ZNF337: variants seen among roughly 807,000 people sequenced by gnomAD.
ZNF337 encodes zinc finger protein 337.
Under a neutral mutation model 12.1 loss-of-function variants are expected in ZNF337, and 8 were observed. That is an observed-to-expected ratio of 0.66 (90% CI 0.39 to 1.19). ZNF337 has a LOEUF of 1.19. Ranked by LOEUF, ZNF337 falls within the 50% of genes most tolerant of loss-of-function variation. The pLI is 0.01. For missense variants in ZNF337, 882 were observed against 896.6 expected (o/e 0.98, Z 0.21); for synonymous variants, 336 against 320.0 (o/e 1.05, Z -0.53).
At chr20:25,678,308 A>G (rs1315509251) in intron 4 of ZNF337, among the ~76,000 whole-genome samples, 1 of 152,218 alleles carries the variant, frequency 6.6e-6, no homozygotes, top group African/African-American at 2.4e-5. Flanking sequence ...AAAAAAGTAT[A>G]TGAATAAACA....
In ZNF337 at chr20:25,674,758, CAAG is replaced by C. The variant is rs774571606; in HGVS notation, c.*271_*273del. The C allele has an allele frequency of 2.3e-3, 1,089 of 470,124 alleles. 1 individual carries two copies. The highest frequency in any genetic ancestry group is 3.6e-3 in the Non-Finnish European group (931 of 261,890). The allele number at this position is 470,124 out of a possible 1,614,324, so 29.1% of individuals were successfully genotyped here. A position where few individuals can be genotyped will look rare whatever the true frequency, so the allele number is the denominator to read the frequency against. ...AAAGCACAGCCTGGCACAAATACAACAAGAATATGTGCTCAGTAGGAAAGAGAC... is the reference window on the plus strand; with the variant it reads ...AAAGCACAGCCTGGCACAAATACAACAATATGTGCTCAGTAGGAAAGAGAC... On this transcript the variant is annotated 3_prime_UTR_variant, in exon 5 of 5. Transcript: ENST00000252979.
rs766538925 is a variant in ZNF337 at position 25,677,074 on chromosome 20, C to T, written c.251-37G>A. The T allele has an allele frequency of 2.4e-5, 36 of 1,487,816 alleles. No individual in the cohort carries two copies. The East Asian group carries it at 4.2e-4, about 18-fold the overall frequency. 92.2% of individuals were successfully genotyped at this position (1,487,816 alleles called of 1,614,324 possible). On this transcript the variant is annotated intron_variant, in intron 4 of 4. Transcript: ENST00000252979. ...ACCAACAATGAGACTGAATCAGTAA[C>T]GAAAAGTCTTCTATGAAAGAAAAAC...
chr20:25,685,989 C>T lies in ZNF337; in HGVS notation c.154+7G>A, dbSNP rs1050690059. The stretch of plus-strand genomic sequence containing the variant: ...CAAATGTTAGGCTCGAGGGAAGCCA[C>T]GCTTACCTAGTGAGACCAGGTGGCT... On this transcript the variant is annotated splice_region_variant and intron_variant, in intron 3 of 4. Transcript: ENST00000252979. 6.2e-6 allele frequency: 10 copies of T among 1,606,204 alleles called. No individual in the cohort carries two copies. Among genetic ancestry groups the T allele is most frequent in the South Asian group, 2.2e-5 (2 of 89,952 alleles).
At position 25,685,727 on chromosome 20, in the gene ZNF337, A is replaced by T. The variant is rs2065824651; in HGVS notation, c.155-65T>A. Reference sequence around the variant, plus strand: ...GTAGGCTCCACGGGCCATTTGCTGGAGCCACCCAGGGCAGGAAGGGAGGGA... The same window carrying T: ...GTAGGCTCCACGGGCCATTTGCTGGTGCCACCCAGGGCAGGAAGGGAGGGA... On this transcript the variant is annotated intron_variant, in intron 3 of 4. Coordinates refer to ENST00000252979, the MANE Select transcript of ZNF337 (RefSeq NM_015655.4). 4.1e-6 allele frequency: 6 copies of T among 1,445,830 alleles called. No individual in the cohort carries two copies. The Admixed American group carries it at 1.0e-4, about 24-fold the overall frequency. 89.6% of individuals were successfully genotyped at this position (1,445,830 alleles called of 1,614,324 possible). A position where few individuals can be genotyped will look rare whatever the true frequency, so the allele number is the denominator to read the frequency against.
At chr20:25,684,748 G>A (rs1045430068) in intron 4 of ZNF337, among the ~76,000 whole-genome samples, 1 of 152,148 alleles carries the variant, frequency 6.6e-6, no homozygotes, top group African/African-American at 2.4e-5. Context: ...ATGATAGACT[G>A]GATAAAGAAA....
intron 1 of ZNF337, among the ~76,000 whole-genome samples, chr20:25,689,101 C>T (rs528697699): frequency 6.8e-6 from 1 of 146,938 alleles, no homozygotes; most frequent in African/African-American, 2.5e-5. Context: ...CGCGCCACTG[C>T]GCTCCAGCCT....
Position 25,675,974 on chromosome 20 carries a change from C to A in ZNF337, c.1314G>T (p.Gly438=). The A allele has an allele frequency of 6.2e-7, 1 of 1,613,574 alleles. No homozygotes were observed. Among genetic ancestry groups the A allele is most frequent in the Non-Finnish European group, 8.5e-7 (1 of 1,179,634 alleles). ...GGGTTGACTTCTGAATAAATCCTTG[C>A]CCACATTCTCTACAAACAAAAGGTT... The part of the protein sequence containing the change: ...GEKPFVCREC[G]QGFIQKSTLV... Residue 438 remains glycine (G), a synonymous_variant, in exon 5 of 5, where the codon GGG becomes GGT. Coordinates refer to ENST00000252979, the MANE Select transcript of ZNF337 (RefSeq NM_015655.4).
chr20:25,688,709 G>A (rs2065855690), intron 1 of ZNF337, among the ~76,000 whole-genome samples: 1 of 152,056 alleles, frequency 6.6e-6, no homozygotes, highest in African/African-American at 2.4e-5. Flanking sequence ...GCAGTGAAAG[G>A]AAAATAAAAA....
chr20:25,673,881 A>G lies in ZNF337; in HGVS notation c.*1151T>C, dbSNP rs1009121567. On this transcript the variant is annotated 3_prime_UTR_variant, in exon 5 of 5. Transcript: ENST00000252979. ...TTTCCCTACATTTTCAAAGGCCTGC[A>G]TCATCACATCTGCCACAGCATTCTC... 2 of 152,186 alleles carry G rather than the reference A, an allele frequency of 1.3e-5. No homozygotes were observed. Among genetic ancestry groups the G allele is most frequent in the Non-Finnish European group, 2.9e-5 (2 of 68,040 alleles). The allele number at this position is 152,186 out of a possible 1,614,324, so 9.4% of individuals were successfully genotyped here.
At position 25,696,820 on chromosome 20, in the gene ZNF337, G is replaced by C. The variant is rs1442879426; in HGVS notation, c.-111C>G. On this transcript the variant is annotated 5_prime_UTR_variant, in exon 1 of 5. Transcript: ENST00000252979. Reference sequence around the variant, plus strand: ...CCGATGGTGGACCACGCATCTCACGGCTCGCTGACGCCCAGGGATCTGGAA... The same window carrying C: ...CCGATGGTGGACCACGCATCTCACGCCTCGCTGACGCCCAGGGATCTGGAA... The C allele has an allele frequency of 1.0e-6, 1 of 985,416 alleles. No individual in the cohort carries two copies. The allele number at this position is 985,416 out of a possible 1,614,324, so 61.0% of individuals were successfully genotyped here. A position where few individuals can be genotyped will look rare whatever the true frequency, so the allele number is the denominator to read the frequency against.
chr20:25,683,765 C>G (rs554838489), intron 4 of ZNF337, among the ~76,000 whole-genome samples: 1 of 152,248 alleles, frequency 6.6e-6, no homozygotes, highest in Admixed American at 6.5e-5. Context: ...GGACTGTAAA[C>G]TAGTTCAACC....
At chr20:25,686,226 T>C in intron 2 of ZNF337, 104 bp from the exon 3 acceptor site, 2 of 1,570,012 alleles carry the variant, frequency 1.3e-6, no homozygotes, top group Non-Finnish European at 1.7e-6. Context: ...ACTTGATGAG[T>C]GACACCCACA....
rs1184287136 is a variant in ZNF337, at chr20:25,676,230, C to G, written c.1058G>C (p.Cys353Ser). Reference sequence around the variant, plus strand: ...TGACTTATTGCTAAAGCCTCGGCCACACTCCTGGCATCTGTAAGGCTTCTC... The same window carrying G: ...TGACTTATTGCTAAAGCCTCGGCCAGACTCCTGGCATCTGTAAGGCTTCTC... ...SGEKPYRCQE[C>S]GRGFSNKSHL... Residue 353 changes from cysteine (C) to serine (S), a missense_variant, in exon 5 of 5, where the codon TGT (cysteine) becomes TCT (serine). Transcript: ENST00000252979. 6.2e-7 allele frequency: 1 copy of G among 1,614,108 alleles called. No homozygotes were observed. The highest frequency in any genetic ancestry group is 2.2e-5 in the East Asian group (1 of 44,860).
At position 25,686,137 on chromosome 20, in the gene ZNF337, C is replaced by T; in HGVS notation, c.28-15G>A. The T allele has an allele frequency of 6.2e-7, 1 of 1,613,772 alleles. No individual in the cohort carries two copies. The highest frequency in any genetic ancestry group is 8.5e-7 in the Non-Finnish European group (1 of 1,179,940). On this transcript the variant is annotated splice_polypyrimidine_tract_variant and intron_variant, in intron 2 of 4. Transcript: ENST00000252979. ...GCCAAGAAAGCCTGTAACACAAAAC[C>T]CAGGCATGCTCACCAGGGACAGTGT... is the stretch of plus-strand genomic sequence containing the variant.
intron 1 of ZNF337, among the ~76,000 whole-genome samples, chr20:25,692,671 CTGTT>C (rs1350492219): frequency 6.6e-6 from 1 of 152,086 alleles, no homozygotes; most frequent in Admixed American, 6.5e-5. Flanking sequence ...ACACTGCAAA[CTGTT>C]TGGTCTCACT....
In ZNF337 at chr20:25,676,805, A is replaced by C; in HGVS notation, c.483T>G (p.Asn161Lys). 1 of 1,613,774 alleles carries C rather than the reference A, an allele frequency of 6.2e-7. No homozygotes were observed. Among genetic ancestry groups the C allele is most frequent in the Non-Finnish European group, 8.5e-7 (1 of 1,179,932 alleles). ...TCAATACTTTGTCTATTTCTGTAGG[A>C]TTTTCCCTCTGGCCTTGACTAGACT... Reference protein sequence around the residue: ...EIESSQGQRENPTEIDKVLKG... With the variant: ...EIESSQGQREKPTEIDKVLKG... The change falls in exon 5 of 5, where the codon AAT becomes AAG. Residue 161 changes from asparagine to lysine, a missense_variant. Physicochemically the swap from Asn to Lys is moderately conservative, Grantham distance 94. Transcript: ENST00000252979.
intron 4 of ZNF337, chr20:25,677,848 A>G (rs6138635): frequency 0.93 from 142,061 of 152,216 alleles, 66,359 homozygotes; most frequent in East Asian, 1. Flanking sequence ...CACCGCACCC[A>G]GCCTATGATA....
chr20:25,695,296 C>A (rs559232874), intron 1 of ZNF337, among the ~76,000 whole-genome samples: 11 of 152,018 alleles, frequency 7.2e-5, no homozygotes, highest in South Asian at 2.1e-4. Context: ...ACACAAAAAC[C>A]CAAAAAACTG....
chr20:25,685,370 G>A (rs1378074246), intron 4 of ZNF337, among the ~76,000 whole-genome samples, 197 bp downstream of exon 4: 1 of 152,152 alleles, frequency 6.6e-6, no homozygotes. Context: ...GGGAAAGGAG[G>A]CTTCCTGGGA....
Sources: allele counts gnomAD v4.1 joint callset (sites outside exome capture counted in the v4.1 genomes callset), GRCh38; gene constraint gnomAD v4.1.1; transcripts MANE v1.5; gene names NCBI Gene and HGNC (gene_info 2026-07-23, HGNC 2026-07-21).